The following MAGI3 variants were observed in gnomAD, a reference collection of about 807,000 sequenced individuals.
MAGI3 encodes the protein membrane associated guanylate kinase, WW and PDZ domain containing 3, also known as membrane-associated guanylate kinase, WW and PDZ domain-containing protein 3.
MAGI3 carries 43 observed loss-of-function variants against 121.8 expected under a neutral mutation model. That is an observed-to-expected ratio of 0.35 (90% CI 0.28 to 0.46). MAGI3 has a LOEUF of 0.46. Ranked by LOEUF, MAGI3 falls within the 20% of genes least tolerant of loss-of-function variation. MAGI3 has a pLI of 1.00. For synonymous variants in MAGI3, 553 were observed against 639.3 expected, an observed-to-expected ratio of 0.86 and a Z score of 2.04; for missense variants, 1,547 against 1,797.3, an observed-to-expected ratio of 0.86 and a Z score of 2.52.
chr1:113,519,705 T>C (rs1207568992), intron 1 of MAGI3, among the ~76,000 whole-genome samples: 1 of 152,184 alleles, frequency 6.6e-6, no homozygotes, highest in Non-Finnish European at 1.5e-5. Flanking sequence ...TGACAACACA[T>C]ATGAAATGTC....
intron 1 of MAGI3, among the ~76,000 whole-genome samples, chr1:113,545,535 A>C (rs1659498602): frequency 6.6e-6 from 1 of 152,232 alleles, no homozygotes; most frequent in Non-Finnish European, 1.5e-5. Flanking sequence ...TTAGTTAAAT[A>C]ATAGTTACTT....
chr1:113,683,753 T>C lies in MAGI3; in HGVS notation c.4185T>C (p.Ser1395=). Residue 1395 remains serine (S), a synonymous_variant, in exon 21 of 21, where the codon TCT becomes TCC. Coordinates refer to ENST00000307546, the MANE Select transcript of MAGI3 (RefSeq NM_001142782.2). ...AAGTAACCACAGGAGAAACAAGTTCTAGTAACGATAAAATAGGAGAAAATG... is the reference window on the plus strand; with the variant it reads ...AAGTAACCACAGGAGAAACAAGTTCCAGTAACGATAAAATAGGAGAAAATG... ...GKKVTTGETS[S]SNDKIGENVQ... 1 of 1,602,728 alleles carries C rather than the reference T, an allele frequency of 6.2e-7. No individual in the cohort carries two copies. Among genetic ancestry groups the C allele is most frequent in the Non-Finnish European group, 8.5e-7 (1 of 1,174,124 alleles).
chr1:113,649,830 A>G (rs895606056), intron 13 of MAGI3, among the ~76,000 whole-genome samples: 7 of 152,210 alleles, frequency 4.6e-5, no homozygotes, highest in Non-Finnish European at 7.4e-5. Context: ...AACTAGAGGA[A>G]TATAAAATAA....
At chr1:113,570,413 G>A (rs1647229533) in intron 2 of MAGI3, among the ~76,000 whole-genome samples, 1 of 152,140 alleles carries the variant, frequency 6.6e-6, no homozygotes, top group African/African-American at 2.4e-5. Context: ...ACCCAGTAAT[G>A]GAATTGCTGG....
chr1:113,666,037 A>G (rs1267174833), intron 16 of MAGI3, among the ~76,000 whole-genome samples: 2 of 152,166 alleles, frequency 1.3e-5, no homozygotes, highest in African/African-American at 4.8e-5. Context: ...CAATATACAT[A>G]CCTTAATGAA....
intron 1 of MAGI3, among the ~76,000 whole-genome samples, chr1:113,476,408 T>A (rs1013774590): frequency 6.6e-6 from 1 of 152,232 alleles, no homozygotes; most frequent in Non-Finnish European, 1.5e-5. Context: ...TCCCAGAGAT[T>A]CTGGTAAGTT....
chr1:113,584,954 T>A (rs1648261493), intron 3 of MAGI3, among the ~76,000 whole-genome samples: 1 of 139,754 alleles, frequency 7.2e-6, no homozygotes, highest in African/African-American at 2.7e-5. Flanking sequence ...TTTTGGCCAA[T>A]GGTAGATATT....
At chr1:113,479,261 T>C (rs945984932) in intron 1 of MAGI3, among the ~76,000 whole-genome samples, 1 of 152,222 alleles carries the variant, frequency 6.6e-6, no homozygotes, top group African/African-American at 2.4e-5. Flanking sequence ...GCACCCATTG[T>C]TCCACCAGTC....
At chr1:113,529,838 TA>T (rs1196266363) in intron 1 of MAGI3, among the ~76,000 whole-genome samples, 3 of 152,060 alleles carry the variant, frequency 2.0e-5, no homozygotes, top group African/African-American at 7.2e-5. Flanking sequence ...ATCATGCCAA[TA>T]AAAATAAATT....
At chr1:113,543,565 T>A (rs1198966109) in intron 1 of MAGI3, among the ~76,000 whole-genome samples, 1 of 152,032 alleles carries the variant, frequency 6.6e-6, no homozygotes, top group African/African-American at 2.4e-5. Context: ...AAATGAATAG[T>A]TAAAAATACA....
intron 1 of MAGI3, among the ~76,000 whole-genome samples, chr1:113,489,151 G>A (rs1047642107): frequency 3.3e-5 from 5 of 151,770 alleles, no homozygotes; most frequent in East Asian, 2.0e-4. Flanking sequence ...AGTGACCAGC[G>A]GTCTGGGAAC....
At chr1:113,674,118 G>A (rs780764547) in intron 19 of MAGI3, among the ~76,000 whole-genome samples, 3 of 152,196 alleles carry the variant, frequency 2.0e-5, no homozygotes, top group East Asian at 1.9e-4. Flanking sequence ...GCTGCTGGGC[G>A]CGGTGGCTCA....
intron 9 of MAGI3, among the ~76,000 whole-genome samples, chr1:113,633,626 A>G (rs1224581348): frequency 2.0e-5 from 3 of 152,086 alleles, no homozygotes; most frequent in East Asian, 3.9e-4. Flanking sequence ...TTCTTAATCC[A>G]GTCTATCATT....
intron 9 of MAGI3, among the ~76,000 whole-genome samples, chr1:113,638,157 T>A (rs1007167642): frequency 1.3e-5 from 2 of 152,224 alleles, no homozygotes; most frequent in Non-Finnish European, 2.9e-5. Flanking sequence ...GTTTTTAACT[T>A]CTTTGCCTTT....
In MAGI3 at chr1:113,494,179, G is replaced by T. The variant is rs184053492; in HGVS notation, c.317-55336G>T. Among the ~76,000 whole-genome samples the T allele has an allele frequency of 2.4e-3, 368 of 152,212 alleles. 1 individual carries two copies. The highest frequency in any genetic ancestry group is 0.02 in the Middle Eastern group (6 of 294). ...AAATATACACCATGGCATTCTAAGCGGCCATCAAGAAGAACGATCATGTCC... is the reference window on the plus strand; with the variant it reads ...AAATATACACCATGGCATTCTAAGCTGCCATCAAGAAGAACGATCATGTCC... On this transcript the variant is annotated intron_variant, in intron 1 of 20. Transcript: ENST00000307546.
intron 1 of MAGI3, among the ~76,000 whole-genome samples, chr1:113,541,147 G>A (rs1021709794): frequency 2.0e-5 from 3 of 152,204 alleles, no homozygotes; most frequent in African/African-American, 7.2e-5. Context: ...TTCTGGGCAT[G>A]TGTAAGGAAA....
At chr1:113,649,145 TA>T in intron 12 of MAGI3, 91 bp from the exon 13 acceptor site, 1 of 849,934 alleles carries the variant, frequency 1.2e-6, no homozygotes, top group Non-Finnish European at 1.7e-6. Flanking sequence ...TTTATTGAGT[TA>T]CTCTATAATA....
intron 6 of MAGI3, among the ~76,000 whole-genome samples, chr1:113,599,528 T>G (rs2101749308): frequency 6.6e-6 from 1 of 152,202 alleles, no homozygotes; most frequent in South Asian, 2.1e-4. Context: ...CAGGAAGAAG[T>G]TGAATCTCTG....
At chr1:113,510,992 C>G (rs1040678782) in intron 1 of MAGI3, among the ~76,000 whole-genome samples, 8 of 152,184 alleles carry the variant, frequency 5.3e-5, no homozygotes, top group African/African-American at 1.9e-4. Context: ...AAGTCTTTCT[C>G]ACTAGACTAG....
Sources: gnomAD v4.1 joint callset for allele counts (sites outside exome capture counted in the v4.1 genomes callset) on GRCh38, gnomAD v4.1.1 for gene constraint, MANE v1.5 for transcripts, NCBI Gene and HGNC (gene_info 2026-07-23, HGNC 2026-07-21) for gene names.